NTNG1: variants seen among roughly 807,000 people sequenced by gnomAD.
NTNG1 encodes netrin-G1.
A neutral mutation model predicts 54.0 loss-of-function variants in NTNG1; 16 were observed. That is an observed-to-expected ratio of 0.30 (90% CI 0.20 to 0.45). The LOEUF (loss-of-function observed/expected upper bound fraction) is 0.45, where lower values mean the gene tolerates loss of function less well. Among genes scored for constraint, NTNG1 ranks in the 20% least tolerant of loss-of-function variants. The probability of loss-of-function intolerance (pLI) is 1.00; values close to 1 mark genes in which losing one functional copy is unlikely to be tolerated. For synonymous variants in NTNG1, 255 were observed against 263.1 expected, an observed-to-expected ratio of 0.97 and a Z score of 0.30; for missense variants, 530 against 678.7, an observed-to-expected ratio of 0.78 and a Z score of 2.43.
intron 4 of NTNG1, among the ~76,000 whole-genome samples, chr1:107,400,765 T>TA (rs1408521099): frequency 2.0e-5 from 3 of 151,814 alleles, no homozygotes; most frequent in East Asian, 3.9e-4. Context: ...TCTCCCACCT[T>TA]AGCCTCCCAA....
At chr1:107,292,874 C>T (rs1557875081) in intron 2 of NTNG1, among the ~76,000 whole-genome samples, 2 of 152,142 alleles carry the variant, frequency 1.3e-5, no homozygotes, top group Admixed American at 6.5e-5. Context: ...AAGTTACCCC[C>T]GTGGCCTACT....
intron 2 of NTNG1, among the ~76,000 whole-genome samples, chr1:107,254,610 C>T (rs905798881): frequency 1.4e-4 from 22 of 152,150 alleles, no homozygotes; most frequent in African/African-American, 5.1e-4. Context: ...CTACTGTGTT[C>T]AAGGGGTGAC....
intron 2 of NTNG1, among the ~76,000 whole-genome samples, chr1:107,256,698 G>A (rs566628026): frequency 8.5e-5 from 13 of 152,288 alleles, no homozygotes; most frequent in African/African-American, 2.9e-4. Context: ...GAGCCTGGAC[G>A]GGAGGAGAGG....
intron 5 of NTNG1, chr1:107,408,997 G>A (rs1415738503): frequency 2.6e-5 from 4 of 152,098 alleles, no homozygotes; most frequent in African/African-American, 2.4e-5. Flanking sequence ...CGCTAGATGT[G>A]GTAAATGCCA....
At chr1:107,261,791 T>C (rs1451670716) in intron 2 of NTNG1, among the ~76,000 whole-genome samples, 6 of 151,810 alleles carry the variant, frequency 4.0e-5, no homozygotes, top group Non-Finnish European at 7.4e-5. Flanking sequence ...TGCAGTGAGC[T>C]GAGATCGCAC....
rs934926522 is a variant in NTNG1 at position 107,480,508 on chromosome 1, A to AT, written c.1391-93dup. ...GGGGGGAGCACAAAGATCGATAGAGATTTTTTTTTTAGGCTGAAAACATGA... is the reference window on the plus strand; with the variant it reads ...GGGGGGAGCACAAAGATCGATAGAGATTTTTTTTTTTAGGCTGAAAACATGA... On this transcript the variant is annotated intron_variant, in intron 7 of 7. Transcript: ENST00000370068. The AT allele has an allele frequency of 3.0e-3, 1,875 of 633,556 alleles. 1 individual carries two copies. Among genetic ancestry groups the AT allele is most frequent in the Middle Eastern group, 4.3e-3 (9 of 2,084 alleles). The allele number at this position is 633,556 out of a possible 1,614,324, so 39.2% of individuals were successfully genotyped here.
At chr1:107,232,085 T>C (rs2101535469) in intron 2 of NTNG1, among the ~76,000 whole-genome samples, 1 of 152,306 alleles carries the variant, frequency 6.6e-6, no homozygotes, top group East Asian at 1.9e-4. Flanking sequence ...CCTCATTTGG[T>C]CCTTATTGTC....
At chr1:107,365,331 T>C (rs1484529490) in intron 3 of NTNG1, among the ~76,000 whole-genome samples, 1 of 152,162 alleles carries the variant, frequency 6.6e-6, no homozygotes, top group Non-Finnish European at 1.5e-5. Context: ...AGTATTGATG[T>C]TCCCTACCAA....
chr1:107,435,997 C>T (rs1675571341), intron 6 of NTNG1, among the ~76,000 whole-genome samples: 1 of 152,122 alleles, frequency 6.6e-6, no homozygotes, highest in African/African-American at 2.4e-5. Flanking sequence ...TGCCAGCAGA[C>T]ATTATAATGA....
chr1:107,451,639 G>A (rs1676635981), intron 7 of NTNG1, among the ~76,000 whole-genome samples: 3 of 152,110 alleles, frequency 2.0e-5, no homozygotes, highest in Admixed American at 6.6e-5. Flanking sequence ...GCAGCTAGAT[G>A]TTGAGTGAAG....
intron 5 of NTNG1, among the ~76,000 whole-genome samples, chr1:107,414,367 G>C (rs1325961970): frequency 6.6e-6 from 1 of 152,062 alleles, no homozygotes; most frequent in Non-Finnish European, 1.5e-5. Context: ...AAAAATTGGA[G>C]AAACTACCTA....
chr1:107,181,783 A>G (rs754926728), intron 2 of NTNG1, among the ~76,000 whole-genome samples: 1 of 152,080 alleles, frequency 6.6e-6, no homozygotes, highest in Non-Finnish European at 1.5e-5. Flanking sequence ...ATTTCTTGTG[A>G]CACACGGTGC....
rs1251154999 is a variant in NTNG1, at chr1:107,324,466, T to C, written c.431T>C (p.Leu144Pro). ...CTGTCTTGGAGCAAAACCATTGAGC[T>C]AACAGACAACATAGTTATTACCTTT... is the stretch of plus-strand genomic sequence containing the variant. ...ITLSWSKTIE[L>P]TDNIVITFES... The change falls in exon 3 of 8, where the codon CTA becomes CCA. Residue 144 changes from leucine to proline, a missense_variant. By Grantham distance (98) the Leu-to-Pro change is moderately conservative. Coordinates refer to ENST00000370068, the MANE Select transcript of NTNG1 (RefSeq NM_001113226.3). 1 of 1,613,726 alleles carries C rather than the reference T, an allele frequency of 6.2e-7. No homozygotes were observed. The highest frequency in any genetic ancestry group is 8.5e-7 in the Non-Finnish European group (1 of 1,179,886).
chr1:107,250,709 AG>A (rs769534414), intron 2 of NTNG1, among the ~76,000 whole-genome samples: 5 of 100,600 alleles, frequency 5.0e-5, no homozygotes, highest in Admixed American at 1.1e-4. Flanking sequence ...TCCAGAATCC[AG>A]GCAAGAGGGT....
At chr1:107,252,315 C>T (rs527565991) in intron 2 of NTNG1, among the ~76,000 whole-genome samples, 2 of 152,132 alleles carry the variant, frequency 1.3e-5, no homozygotes, top group Non-Finnish European at 2.9e-5. Flanking sequence ...TATGTCTGGT[C>T]CCAGATTTTT....
intron 3 of NTNG1, among the ~76,000 whole-genome samples, chr1:107,372,186 G>A (rs1193076920): frequency 1.3e-5 from 2 of 151,644 alleles, no homozygotes; most frequent in South Asian, 2.1e-4. Flanking sequence ...TTCTGCTTTG[G>A]TATTCATTAA....
chr1:107,237,272 G>A (rs1186925274), intron 2 of NTNG1, among the ~76,000 whole-genome samples: 1 of 152,188 alleles, frequency 6.6e-6, no homozygotes. Flanking sequence ...TTGAACTTGA[G>A]AGTGATGATT....
chr1:107,236,786 G>A (rs1016552449), intron 2 of NTNG1, among the ~76,000 whole-genome samples: 2 of 152,032 alleles, frequency 1.3e-5, no homozygotes, highest in African/African-American at 2.4e-5. Flanking sequence ...TGCCATCCCC[G>A]TAAGATGTGA....
chr1:107,434,192 A>C (rs114285696), intron 6 of NTNG1, among the ~76,000 whole-genome samples: 2,555 of 152,292 alleles, frequency 0.017, 78 homozygotes, highest in African/African-American at 0.058. Flanking sequence ...GGAACAACTC[A>C]TATCTTTGAC....
Sources: allele counts gnomAD v4.1 joint callset (sites outside exome capture counted in the v4.1 genomes callset), GRCh38; gene constraint gnomAD v4.1.1; transcripts MANE v1.5; gene names NCBI Gene and HGNC (gene_info 2026-07-23, HGNC 2026-07-21).